Variants in CNTNAP2 observed in about 807,000 individuals in gnomAD.
CNTNAP2 encodes the protein contactin associated protein 2, also known as contactin-associated protein-like 2.
CNTNAP2 carries 98 observed loss-of-function variants against 155.2 expected under a neutral mutation model. The ratio of observed to expected loss-of-function variants is 0.63; its 90% CI spans 0.54 to 0.75. The LOEUF is 0.75. Ranked by LOEUF, CNTNAP2 falls within the 30% of genes least tolerant of loss-of-function variation. The probability of loss-of-function intolerance (pLI) is 0.00; values close to 1 mark genes in which losing one functional copy is unlikely to be tolerated. For missense variants in CNTNAP2, 1,727 were observed against 1,688.1 expected (o/e 1.02, Z -0.40); for synonymous variants, 651 against 631.2 (o/e 1.03, Z -0.47).
In CNTNAP2 at chr7:147,338,102, A is replaced by G. The variant is rs575973524; in HGVS notation, c.1498+37812A>G. ...GTAATTTATAAAGAAAAGAGGTTTA[A>G]TTGACTCACAGTTCTGCATGGCTGG... is the stretch of plus-strand genomic sequence containing the variant. On this transcript the variant is annotated intron_variant, in intron 9 of 23. Coordinates refer to ENST00000361727, the MANE Select transcript of CNTNAP2 (RefSeq NM_014141.6). Among the ~76,000 whole-genome samples, 229 of 152,290 alleles carry G rather than the reference A, an allele frequency of 1.5e-3. 2 individuals are homozygous for G. The highest frequency in any genetic ancestry group is 5.3e-3 in the African/African-American group (219 of 41,574).
intron 13 of CNTNAP2, among the ~76,000 whole-genome samples, chr7:147,654,701 T>C (rs1438577249): frequency 6.6e-6 from 1 of 152,144 alleles, no homozygotes. Flanking sequence ...ATGTTTTTAA[T>C]GGCTTCTAGG....
At chr7:146,488,532 C>A (rs1797092567) in intron 1 of CNTNAP2, among the ~76,000 whole-genome samples, 1 of 151,992 alleles carries the variant, frequency 6.6e-6, no homozygotes, top group Non-Finnish European at 1.5e-5. Context: ...AAGCTTCTCA[C>A]CTGCTCCTCC....
intron 3 of CNTNAP2, among the ~76,000 whole-genome samples, chr7:146,957,132 C>A (rs1400384310): frequency 6.6e-6 from 1 of 151,972 alleles, no homozygotes; most frequent in Non-Finnish European, 1.5e-5. Context: ...ATGGTATAGC[C>A]CCCTACACAC....
At chr7:146,938,961 G>A (rs1796986689) in intron 3 of CNTNAP2, among the ~76,000 whole-genome samples, 2 of 151,978 alleles carry the variant, frequency 1.3e-5, no homozygotes, top group Non-Finnish European at 2.9e-5. Flanking sequence ...CTAAGTTTTA[G>A]TGCAGAAAGA....
chr7:147,287,168 G>T (rs1206939054), intron 8 of CNTNAP2, among the ~76,000 whole-genome samples: 1 of 152,014 alleles, frequency 6.6e-6, no homozygotes, highest in Admixed American at 6.6e-5. Context: ...AATAGAGTGG[G>T]GTCAGTGGAT....
At chr7:146,134,774 G>C (rs1780222613) in intron 1 of CNTNAP2, among the ~76,000 whole-genome samples, 2 of 151,762 alleles carry the variant, frequency 1.3e-5, no homozygotes, top group Admixed American at 1.3e-4. Flanking sequence ...CTTAATCATG[G>C]TGGATAAGCT....
intron 1 of CNTNAP2, among the ~76,000 whole-genome samples, chr7:146,662,454 TTTTG>T (rs1378826291): frequency 6.6e-6 from 1 of 152,166 alleles, no homozygotes; most frequent in Non-Finnish European, 1.5e-5. Context: ...TTTTGTTTTG[TTTTG>T]TTTATTGGTT....
intron 21 of CNTNAP2, among the ~76,000 whole-genome samples, chr7:148,300,915 A>C (rs1797375927): frequency 6.6e-6 from 1 of 152,160 alleles, no homozygotes; most frequent in Admixed American, 6.5e-5. Context: ...TCAATTTTGC[A>C]AGACAAAGAA....
At chr7:148,109,509 C>T (rs1367039929) in intron 15 of CNTNAP2, among the ~76,000 whole-genome samples, 1 of 152,116 alleles carries the variant, frequency 6.6e-6, no homozygotes, top group Non-Finnish European at 1.5e-5. Context: ...CTCAGCCTCC[C>T]AAGTAGCTGG....
chr7:146,830,056 C>T (rs1314595632), intron 2 of CNTNAP2, among the ~76,000 whole-genome samples: 2 of 152,004 alleles, frequency 1.3e-5, no homozygotes, highest in Non-Finnish European at 2.9e-5. Flanking sequence ...GAAATATCTT[C>T]TCCCAATCTA....
chr7:146,916,289 T>G (rs754767970), intron 3 of CNTNAP2, among the ~76,000 whole-genome samples: 46 of 152,264 alleles, frequency 3.0e-4, no homozygotes, highest in Non-Finnish European at 5.0e-4. Context: ...TCCATTTTGT[T>G]ATGTCCTTTC....
rs578171886 is a variant in CNTNAP2, at chr7:146,605,335, A to T, written c.98-168936A>T. ...TTATCATCATTGTTTTCATTTTACCAATGAGGAAATGGATTCAGAGATTAA... is the reference window on the plus strand; with the variant it reads ...TTATCATCATTGTTTTCATTTTACCTATGAGGAAATGGATTCAGAGATTAA... On this transcript the variant is annotated intron_variant, in intron 1 of 23. Coordinates refer to ENST00000361727, the MANE Select transcript of CNTNAP2 (RefSeq NM_014141.6). Among the ~76,000 whole-genome samples the T allele has an allele frequency of 3.0e-4, 46 of 151,182 alleles. 2 individuals are homozygous for T. The South Asian group carries it at 8.2e-3, about 27-fold the overall frequency.
At chr7:146,820,072 A>G (rs1803247809) in intron 2 of CNTNAP2, among the ~76,000 whole-genome samples, 1 of 152,220 alleles carries the variant, frequency 6.6e-6, no homozygotes, top group Non-Finnish European at 1.5e-5. Context: ...CTAAATAGAT[A>G]TTTCGAGCAG....
chr7:146,280,994 C>T (rs1014090697), intron 1 of CNTNAP2, among the ~76,000 whole-genome samples: 4 of 152,070 alleles, frequency 2.6e-5, no homozygotes, highest in Admixed American at 1.3e-4. Flanking sequence ...CAGAAGTGAC[C>T]GTCAATTCCT....
rs1324451432 is a variant in CNTNAP2, at chr7:147,431,120, G to T, written c.1670+35340G>T. Among the ~76,000 whole-genome samples, 3 of 151,880 alleles carry T rather than the reference G, an allele frequency of 2.0e-5. No homozygotes were observed. The South Asian group carries it at 6.2e-4, about 31-fold the overall frequency. ...CAACAGAAGGTTAGGAGAAGCGCAG[G>T]TCATATGGTATGACTGGCTTGTTGA... On this transcript the variant is annotated intron_variant, in intron 10 of 23. Coordinates refer to ENST00000361727, the MANE Select transcript of CNTNAP2 (RefSeq NM_014141.6).
intron 8 of CNTNAP2, among the ~76,000 whole-genome samples, chr7:147,285,789 A>C (rs1805162190): frequency 1.3e-5 from 2 of 151,996 alleles, no homozygotes; most frequent in African/African-American, 4.8e-5. Context: ...ACCAGCCTTG[A>C]AGACGGGACC....
At chr7:147,340,859 C>G (rs531576891) in intron 9 of CNTNAP2, among the ~76,000 whole-genome samples, 1 of 152,052 alleles carries the variant, frequency 6.6e-6, no homozygotes, top group Admixed American at 6.6e-5. Context: ...ACTGCTTGCT[C>G]TGTCAGAAAT....
intron 14 of CNTNAP2, among the ~76,000 whole-genome samples, chr7:147,976,482 G>A (rs1205323950): frequency 2.0e-5 from 3 of 152,134 alleles, no homozygotes; most frequent in Non-Finnish European, 4.4e-5. Flanking sequence ...GTGTCAATAA[G>A]AATCACAGTA....
At chr7:146,936,969 G>T (rs1350239916) in intron 3 of CNTNAP2, among the ~76,000 whole-genome samples, 1 of 152,162 alleles carries the variant, frequency 6.6e-6, no homozygotes, top group Non-Finnish European at 1.5e-5. Flanking sequence ...AATAAAATGT[G>T]TTCATGAACA....
Sources: allele counts gnomAD v4.1 joint callset (sites outside exome capture counted in the v4.1 genomes callset), GRCh38; gene constraint gnomAD v4.1.1; transcripts MANE v1.5; gene names NCBI Gene and HGNC (gene_info 2026-07-23, HGNC 2026-07-21).